MAP2K1: variants seen among roughly 807,000 people sequenced by gnomAD.
MAP2K1 encodes the protein dual specificity mitogen-activated protein kinase kinase 1.
A neutral mutation model predicts 46.3 loss-of-function variants in MAP2K1; 16 were observed. The ratio of observed to expected loss-of-function variants is 0.35; its 90% confidence interval spans 0.23 to 0.52. The LOEUF (loss-of-function observed/expected upper bound fraction) is 0.52, where lower values mean the gene tolerates loss of function less well. Ranked by LOEUF, MAP2K1 falls within the 20% of genes least tolerant of loss-of-function variation. MAP2K1 has a pLI of 0.94. For missense variants in MAP2K1, 263 were observed against 497.1 expected (o/e 0.53, Z 4.48); for synonymous variants, 183 against 185.6 (o/e 0.99, Z 0.11).
At position 66,413,149 on chromosome 15, in the gene MAP2K1, G is replaced by A. The variant is rs573044874; in HGVS notation, c.81-21878G>A. Among the ~76,000 whole-genome samples the A allele has an allele frequency of 9.2e-5, 14 of 152,244 alleles. No homozygotes were observed. The East Asian group carries it at 2.7e-3, about 29-fold the overall frequency. On this transcript the variant is annotated intron_variant, in intron 1 of 10. Coordinates refer to ENST00000307102, the MANE Select transcript of MAP2K1 (RefSeq NM_002755.4). ...GACCTCAGGTGATCCACCTGCCTCG[G>A]CCTCCCAAAGTGCTGGGATTACAGG...
chr15:66,398,267 T>C (rs897426680), intron 1 of MAP2K1, among the ~76,000 whole-genome samples: 1 of 151,508 alleles, frequency 6.6e-6, no homozygotes, highest in Non-Finnish European at 1.5e-5. Context: ...AATACAAAAA[T>C]TAGCCAGATG....
At chr15:66,393,517 G>T (rs1373813984) in intron 1 of MAP2K1, among the ~76,000 whole-genome samples, 2 of 152,190 alleles carry the variant, frequency 1.3e-5, no homozygotes, top group African/African-American at 4.8e-5. Flanking sequence ...TCCAGTTGCA[G>T]TAGTGAGGCA....
chr15:66,454,010 A>G (rs1412173325), intron 5 of MAP2K1, among the ~76,000 whole-genome samples: 1 of 152,240 alleles, frequency 6.6e-6, no homozygotes, highest in Admixed American at 6.5e-5. Context: ...TCCAAAACTT[A>G]GTAGTTTAAA....
chr15:66,444,772 C>T (rs2140602215), intron 5 of MAP2K1, 65 bp downstream of exon 5: 2 of 1,267,866 alleles, frequency 1.6e-6, no homozygotes, highest in Non-Finnish European at 2.3e-6. Context: ...CTGTTGCTTC[C>T]TCTTTTTTCT....
At chr15:66,391,353 A>G (rs998709236) in intron 1 of MAP2K1, among the ~76,000 whole-genome samples, 2 of 152,156 alleles carry the variant, frequency 1.3e-5, no homozygotes, top group African/African-American at 4.8e-5. Flanking sequence ...CAGTGGCACT[A>G]CCTCGGCTCA....
intron 6 of MAP2K1, among the ~76,000 whole-genome samples, chr15:66,484,230 C>T (rs1456649699): frequency 1.3e-5 from 2 of 151,960 alleles, no homozygotes; most frequent in African/African-American, 4.8e-5. Flanking sequence ...TCACTGCAAC[C>T]TCTGCCTCCC....
At chr15:66,427,070 G>A (rs535023004) in intron 1 of MAP2K1, among the ~76,000 whole-genome samples, 11 of 152,104 alleles carry the variant, frequency 7.2e-5, no homozygotes, top group Non-Finnish European at 1.3e-4. Context: ...CGTAAGTTCC[G>A]GCACTAGAAG....
chr15:66,433,712 A>G (rs1040385808), intron 1 of MAP2K1, among the ~76,000 whole-genome samples: 1 of 152,164 alleles, frequency 6.6e-6, no homozygotes, highest in Non-Finnish European at 1.5e-5. Flanking sequence ...GTGTGTTGGC[A>G]GGAACACCAA....
intron 5 of MAP2K1, 126 bp downstream of exon 5, chr15:66,444,833 T>G: frequency 2.4e-6 from 2 of 844,416 alleles, no homozygotes; most frequent in Non-Finnish European, 4.0e-6. Flanking sequence ...AATCTTTTAT[T>G]AAAAGTCTTT....
chr15:66,462,175 C>A (rs1892339442), intron 5 of MAP2K1, among the ~76,000 whole-genome samples: 5 of 152,036 alleles, frequency 3.3e-5, no homozygotes, highest in Admixed American at 3.3e-4. Context: ...CACTCCCTCC[C>A]ACCCTGCAAA....
chr15:66,435,321 T>C lies in MAP2K1; in HGVS notation c.291+84T>C. ...GGGACCAGGGTAGAAGGAAGACTGA[T>C]TTTACTCAATACCTTTTTGTGCTGT... On this transcript the variant is annotated intron_variant, in intron 2 of 10. Coordinates refer to ENST00000307102, the MANE Select transcript of MAP2K1 (RefSeq NM_002755.4). The C allele has an allele frequency of 2.7e-6, 3 of 1,119,678 alleles. No individual in the cohort carries two copies. The South Asian group carries it at 3.8e-5, about 14-fold the overall frequency. 69.4% of individuals were successfully genotyped at this position (1,119,678 alleles called of 1,614,324 possible).
At chr15:66,412,801 T>C (rs1456931358) in intron 1 of MAP2K1, among the ~76,000 whole-genome samples, 1 of 152,196 alleles carries the variant, frequency 6.6e-6, no homozygotes, top group Non-Finnish European at 1.5e-5. Flanking sequence ...CAAGCCATCC[T>C]TACATCTCAG....
At chr15:66,388,969 C>T (rs936199716) in intron 1 of MAP2K1, among the ~76,000 whole-genome samples, 3 of 134,088 alleles carry the variant, frequency 2.2e-5, no homozygotes, top group East Asian at 4.2e-4. Context: ...TGCAATGGTG[C>T]GATCTTGGCT....
chr15:66,472,268 C>T (rs990342939), intron 5 of MAP2K1, among the ~76,000 whole-genome samples: 2 of 150,428 alleles, frequency 1.3e-5, no homozygotes, highest in African/African-American at 4.9e-5. Context: ...CGTGCTACTG[C>T]ACTCCAGCCT....
At chr15:66,419,651 T>C (rs2093432875) in intron 1 of MAP2K1, among the ~76,000 whole-genome samples, 1 of 152,168 alleles carries the variant, frequency 6.6e-6, no homozygotes, top group African/African-American at 2.4e-5. Flanking sequence ...TGTTATTCAA[T>C]ATTTGAGGAA....
intron 3 of MAP2K1, among the ~76,000 whole-genome samples, chr15:66,442,308 T>C (rs548625872): frequency 9.8e-4 from 149 of 152,312 alleles, no homozygotes; most frequent in Middle Eastern, 3.4e-3. Flanking sequence ...CTTGCACCTC[T>C]TCATGCACCA....
chr15:66,387,314 C>T lies in MAP2K1; in HGVS notation c.-34C>T. On this transcript the variant is annotated 5_prime_UTR_variant, in exon 1 of 11. Transcript: ENST00000307102. ...GAGGAAGCGAGAGGTGCTGCCCTCC[C>T]CCCGGAGTTGGAAGCGCGTTACCCG... 6.5e-7 allele frequency: 1 copy of T among 1,532,608 alleles called. No homozygotes were observed. Among genetic ancestry groups the T allele is most frequent in the Non-Finnish European group, 8.9e-7 (1 of 1,129,732 alleles). The allele number at this position is 1,532,608 out of a possible 1,614,324, so 94.9% of individuals were successfully genotyped here.
At position 66,429,669 on chromosome 15, in the gene MAP2K1, C is replaced by G. The variant is rs866791777; in HGVS notation, c.81-5358C>G. Among the ~76,000 whole-genome samples the G allele has an allele frequency of 3.0e-3, 105 of 34,766 alleles. 20 individuals are homozygous for G. Among genetic ancestry groups the G allele is most frequent in the South Asian group, 0.019 (14 of 728 alleles). The allele number at this position is 34,766 out of a possible 152,430, so 22.8% of individuals were successfully genotyped here. On this transcript the variant is annotated intron_variant, in intron 1 of 10. Coordinates refer to ENST00000307102, the MANE Select transcript of MAP2K1 (RefSeq NM_002755.4). The stretch of plus-strand genomic sequence containing the variant: ...CACTGGGTCTGCACTGCGGCGCCCC[C>G]CCCCCCCCCGTCCCCCCCAACACAG...
intron 8 of MAP2K1, 99 bp downstream of exon 8, chr15:66,487,391 C>G: frequency 8.6e-7 from 1 of 1,157,470 alleles, no homozygotes; most frequent in South Asian, 1.2e-5. Context: ...GTAATCCCAG[C>G]AGTTTGGGAG....
Sources: gnomAD v4.1 joint callset for allele counts (sites outside exome capture counted in the v4.1 genomes callset) on GRCh38, gnomAD v4.1.1 for gene constraint, MANE v1.5 for transcripts, NCBI Gene and HGNC (gene_info 2026-07-23, HGNC 2026-07-21) for gene names.